OPCML: variants seen among roughly 807,000 people sequenced by gnomAD.
The protein encoded by OPCML is opioid binding protein/cell adhesion molecule like.
In OPCML, 13 loss-of-function variants were observed where a neutral mutation model predicts 37.8. That is an observed-to-expected ratio of 0.34 (90% confidence interval 0.22 to 0.55). OPCML has a LOEUF of 0.55. OPCML is among the 20% of genes least tolerant of loss of function. The pLI is 0.91. For synonymous variants in OPCML, 176 were observed against 168.8 expected (o/e 1.04, Z -0.33); for missense variants, 341 against 435.6 (o/e 0.78, Z 1.93).
At chr11:132,634,060 A>G (rs534100069) in intron 3 of OPCML, among the ~76,000 whole-genome samples, 1 of 152,256 alleles carries the variant, frequency 6.6e-6, no homozygotes, top group South Asian at 2.1e-4. Flanking sequence ...AGCAGAAGCA[A>G]AAAGGGAAAG....
At chr11:133,139,737 T>G (rs1949740381) in intron 1 of OPCML, among the ~76,000 whole-genome samples, 2 of 151,800 alleles carry the variant, frequency 1.3e-5, no homozygotes, top group Non-Finnish European at 2.9e-5. Context: ...GGGGCTTGAG[T>G]TTTTCTCCAG....
At chr11:133,281,832 G>A (rs144222109) in intron 1 of OPCML, among the ~76,000 whole-genome samples, 2 of 152,214 alleles carry the variant, frequency 1.3e-5, no homozygotes, top group African/African-American at 4.8e-5. Flanking sequence ...CTGCTGTAAA[G>A]GTCACCCTTG....
rs193068219 is a variant in OPCML at position 132,634,690 on chromosome 11, A to T, written c.379+22397T>A. On this transcript the variant is annotated intron_variant, in intron 3 of 7. Coordinates refer to ENST00000524381, the MANE Select transcript of OPCML (RefSeq NM_001012393.5). ...GATGAGAAATCAGCACTTTCTTAAA[A>T]TTTTTAACATTTTTTCTGTCCACTC... Among the ~76,000 whole-genome samples the T allele has an allele frequency of 2.7e-4, 41 of 152,256 alleles. No individual in the cohort carries two copies. In the East Asian group the frequency reaches 6.6e-3, roughly 24 times the overall value.
Position 132,465,043 on chromosome 11 carries a change from G to T in OPCML, c.506-27684C>A, listed in dbSNP as rs569005212. Among the ~76,000 whole-genome samples the T allele has an allele frequency of 2.0e-5, 3 of 152,150 alleles. No individual in the cohort carries two copies. In the South Asian group the frequency reaches 6.2e-4, roughly 32 times the overall value. ...GCTTATTATTTTTTAACTTTTTCAT[G>T]AAATAGACCTATTCATGTCTATATG... On this transcript the variant is annotated intron_variant, in intron 4 of 7. Transcript: ENST00000524381.
intron 1 of OPCML, chr11:133,418,353 G>T (rs1416782327): frequency 1.0e-5 from 10 of 985,204 alleles, no homozygotes; most frequent in Admixed American, 6.2e-5. Context: ...TTCAATAGGG[G>T]TAAAAAAATT....
chr11:133,525,045 A>C (rs138770782), intron 1 of OPCML, among the ~76,000 whole-genome samples: 1 of 152,378 alleles, frequency 6.6e-6, no homozygotes, highest in African/African-American at 2.4e-5. Context: ...GGAGAACAAA[A>C]CAGGTGTGGT....
chr11:133,389,069 C>T (rs557782636), intron 1 of OPCML, among the ~76,000 whole-genome samples: 3 of 152,166 alleles, frequency 2.0e-5, no homozygotes, highest in Non-Finnish European at 4.4e-5. Context: ...GTACTTGGCT[C>T]TCAACCACTT....
At chr11:133,476,392 GT>G (rs10714775) in intron 1 of OPCML, among the ~76,000 whole-genome samples, 134,055 of 148,638 alleles carry the variant, frequency 0.9, 60,512 homozygotes, top group East Asian at 1. Context: ...TCTGTTGTTA[GT>G]TTTTTTTTTT....
intron 3 of OPCML, among the ~76,000 whole-genome samples, chr11:132,545,154 A>G (rs987669013): frequency 6.6e-6 from 1 of 152,184 alleles, no homozygotes; most frequent in Admixed American, 6.5e-5. Context: ...CCAAATACCC[A>G]CTATGCACTA....
At chr11:132,712,332 G>A (rs1037622274) in intron 2 of OPCML, among the ~76,000 whole-genome samples, 2 of 151,402 alleles carry the variant, frequency 1.3e-5, no homozygotes, top group African/African-American at 4.9e-5. Flanking sequence ...CCCACAAGTG[G>A]TCTGATGCGA....
chr11:132,824,308 C>A (rs1226942738), intron 2 of OPCML, among the ~76,000 whole-genome samples: 1 of 152,172 alleles, frequency 6.6e-6, no homozygotes, highest in Non-Finnish European at 1.5e-5. Context: ...CTTTCCTTTT[C>A]TCTTCACATC....
chr11:132,968,971 C>T (rs1039901280), intron 1 of OPCML, among the ~76,000 whole-genome samples: 2 of 152,022 alleles, frequency 1.3e-5, no homozygotes, highest in Non-Finnish European at 2.9e-5. Flanking sequence ...CTAGTTTTCA[C>T]CTTCATTTTT....
intron 2 of OPCML, among the ~76,000 whole-genome samples, chr11:132,845,826 G>T (rs1166457064): frequency 6.6e-6 from 1 of 151,448 alleles, no homozygotes; most frequent in Non-Finnish European, 1.5e-5. Flanking sequence ...TTTTTTTCTA[G>T]TCTAGTAATG....
At chr11:133,168,522 C>T (rs1168413261) in intron 1 of OPCML, among the ~76,000 whole-genome samples, 6 of 152,094 alleles carry the variant, frequency 3.9e-5, no homozygotes, top group African/African-American at 1.4e-4. Context: ...AGAAAAATTA[C>T]AGAGTTGAGC....
Position 133,416,943 on chromosome 11 carries a change from A to G in OPCML, c.61+115321T>C, listed in dbSNP as rs374565366. On this transcript the variant is annotated intron_variant, in intron 1 of 7. Coordinates refer to ENST00000524381, the MANE Select transcript of OPCML (RefSeq NM_001012393.5). ...AGCCCCACCCACCAAGCTCCAGGAA[A>G]AGGTGGGTGGGGGCTGTGGATTAAG... Among the ~76,000 whole-genome samples the G allele has an allele frequency of 8.5e-5, 13 of 152,238 alleles. No homozygotes were observed. In the East Asian group the frequency reaches 1.5e-3, roughly 18 times the overall value.
intron 1 of OPCML, among the ~76,000 whole-genome samples, chr11:132,966,292 A>G (rs1403856696): frequency 1.3e-5 from 2 of 151,990 alleles, no homozygotes; most frequent in African/African-American, 2.4e-5. Context: ...TTCTTTGATC[A>G]TTGGTATTTG....
chr11:132,659,217 A>T (rs899148726), intron 2 of OPCML, among the ~76,000 whole-genome samples: 1 of 152,112 alleles, frequency 6.6e-6, no homozygotes, highest in African/African-American at 2.4e-5. Flanking sequence ...TATTTCCCTT[A>T]TGAAGACCTA....
At chr11:132,883,155 C>T (rs879860998) in intron 2 of OPCML, among the ~76,000 whole-genome samples, 4 of 152,070 alleles carry the variant, frequency 2.6e-5, no homozygotes, top group Non-Finnish European at 4.4e-5. Context: ...TCTTATACGC[C>T]TCATGCAACA....
In OPCML at chr11:133,242,269, C is replaced by T. The variant is rs190132799; in HGVS notation, c.61+289995G>A. Among the ~76,000 whole-genome samples, 323 of 152,182 alleles carry T rather than the reference C, an allele frequency of 2.1e-3. 1 individual carries two copies. Among genetic ancestry groups the T allele is most frequent in the African/African-American group, 7.2e-3 (299 of 41,510 alleles). ...AGGAGAGGAAAACGGAGCTTCAGAGCGGCAAAGTGATATTCTAAAGATGAA... is the reference window on the plus strand; with the variant it reads ...AGGAGAGGAAAACGGAGCTTCAGAGTGGCAAAGTGATATTCTAAAGATGAA... On this transcript the variant is annotated intron_variant, in intron 1 of 7. Coordinates refer to ENST00000524381, the MANE Select transcript of OPCML (RefSeq NM_001012393.5).
Sources: allele counts gnomAD v4.1 joint callset (sites outside exome capture counted in the v4.1 genomes callset), GRCh38; gene constraint gnomAD v4.1.1; transcripts MANE v1.5; gene names NCBI Gene and HGNC (gene_info 2026-07-23, HGNC 2026-07-21).